Variants in DPP10 observed in about 807,000 individuals in gnomAD.
DPP10 encodes the protein inactive dipeptidyl peptidase 10.
Under a neutral mutation model 120.9 loss-of-function variants are expected in DPP10, and 33 were observed. That is an observed-to-expected ratio of 0.27 (90% CI 0.21 to 0.37). DPP10 has a LOEUF of 0.37. Among genes scored for constraint, DPP10 ranks in the 10% least tolerant of loss-of-function variants. The probability of loss-of-function intolerance (pLI) is 1.00; values close to 1 mark genes in which losing one functional copy is unlikely to be tolerated. For missense variants in DPP10, 816 were observed against 942.8 expected, an observed-to-expected ratio of 0.87 and a Z score of 1.76; for synonymous variants, 337 against 326.1, an observed-to-expected ratio of 1.03 and a Z score of -0.36.
At position 114,538,051 on chromosome 2, in the gene DPP10, T is replaced by C. The variant is rs191757247; in HGVS notation, c.60+95213T>C. On this transcript the variant is annotated intron_variant, in intron 1 of 25. Transcript: ENST00000410059. ...TGACTATCTTAGCCAGGAGAATTGG[T>C]GTTTTTATTTTCCCTGGCTAGCTGT... is the stretch of plus-strand genomic sequence containing the variant. Among the ~76,000 whole-genome samples, 499 of 152,340 alleles carry C rather than the reference T, an allele frequency of 3.3e-3. 4 individuals carry two copies. The highest frequency in any genetic ancestry group is 0.012 in the African/African-American group (480 of 41,580).
intron 3 of DPP10, among the ~76,000 whole-genome samples, chr2:115,464,819 A>G (rs775195462): frequency 3.9e-5 from 6 of 152,214 alleles, no homozygotes; most frequent in South Asian, 4.2e-4. Flanking sequence ...TAGAGGAGGG[A>G]GAGAGAACCC....
At chr2:114,865,353 A>G (rs1197838085) in intron 1 of DPP10, among the ~76,000 whole-genome samples, 2 of 152,224 alleles carry the variant, frequency 1.3e-5, no homozygotes, top group Admixed American at 6.5e-5. Context: ...CAAGTTTTCA[A>G]TTCTTTAACT....
chr2:115,428,623 C>T (rs2070694889), intron 3 of DPP10, among the ~76,000 whole-genome samples: 1 of 152,122 alleles, frequency 6.6e-6, no homozygotes, highest in African/African-American at 2.4e-5. Flanking sequence ...CATGAGGAAA[C>T]CATTCAGATG....
intron 1 of DPP10, among the ~76,000 whole-genome samples, chr2:114,672,234 G>A (rs1202760972): frequency 6.6e-6 from 1 of 151,548 alleles, no homozygotes; most frequent in Admixed American, 6.6e-5. Flanking sequence ...GTTTAATACA[G>A]TCTAAGATTT....
intron 5 of DPP10, among the ~76,000 whole-genome samples, chr2:115,685,094 C>G (rs2090910492): frequency 6.6e-6 from 1 of 151,832 alleles, no homozygotes; most frequent in Non-Finnish European, 1.5e-5. Flanking sequence ...TAAAATTGAA[C>G]TTGGCAGAGC....
chr2:114,847,877 C>G (rs577028673), intron 1 of DPP10, among the ~76,000 whole-genome samples: 2 of 152,050 alleles, frequency 1.3e-5, no homozygotes, highest in Non-Finnish European at 2.9e-5. Flanking sequence ...GGCAAACAGA[C>G]CTTGCGTGTA....
At chr2:115,460,645 C>T (rs566921257) in intron 3 of DPP10, among the ~76,000 whole-genome samples, 1 of 152,092 alleles carries the variant, frequency 6.6e-6, no homozygotes, top group Non-Finnish European at 1.5e-5. Flanking sequence ...ATGATATTGT[C>T]CCTACTGTTG....
chr2:115,397,088 A>T (rs1407381758), intron 3 of DPP10, among the ~76,000 whole-genome samples: 1 of 152,228 alleles, frequency 6.6e-6, no homozygotes, highest in Non-Finnish European at 1.5e-5. Context: ...TTTAAGATGA[A>T]GTCACTTTTG....
chr2:115,764,008 C>T (rs1680416632), intron 12 of DPP10, among the ~76,000 whole-genome samples: 1 of 152,120 alleles, frequency 6.6e-6, no homozygotes, highest in South Asian at 2.1e-4. Context: ...CAAACCTTGG[C>T]TTAAATCACC....
intron 1 of DPP10, among the ~76,000 whole-genome samples, chr2:115,211,619 C>T (rs921146588): frequency 6.6e-6 from 1 of 151,906 alleles, no homozygotes; most frequent in Non-Finnish European, 1.5e-5. Flanking sequence ...TCTGGGAGGA[C>T]ACTTACCCAA....
intron 3 of DPP10, among the ~76,000 whole-genome samples, chr2:115,480,120 A>AT (rs1314647484): frequency 6.6e-6 from 1 of 151,886 alleles, no homozygotes; most frequent in Non-Finnish European, 1.5e-5. Context: ...AGCTATTAAA[A>AT]TTTTCACTTC....
chr2:114,496,621 C>T (rs1364526801), intron 1 of DPP10, among the ~76,000 whole-genome samples: 6 of 152,060 alleles, frequency 3.9e-5, no homozygotes, highest in Admixed American at 3.9e-4. Flanking sequence ...CTCCCAAAGG[C>T]CCCACCTCCT....
At chr2:114,455,544 C>CAAA (rs58126075) in intron 1 of DPP10, among the ~76,000 whole-genome samples, 7,632 of 120,358 alleles carry the variant, frequency 0.063, 312 homozygotes, top group African/African-American at 0.13. Flanking sequence ...GACTCTGTCT[C>CAAA]AAAAAAAAAA....
intron 1 of DPP10, among the ~76,000 whole-genome samples, chr2:114,708,054 T>G (rs1244940534): frequency 6.6e-6 from 1 of 152,206 alleles, no homozygotes; most frequent in Non-Finnish European, 1.5e-5. Flanking sequence ...ATACCTCTAC[T>G]ACTTGCATTC....
intron 1 of DPP10, among the ~76,000 whole-genome samples, chr2:115,217,002 TA>T (rs2056872802): frequency 6.6e-6 from 1 of 152,030 alleles, no homozygotes; most frequent in South Asian, 2.1e-4. Flanking sequence ...ACACGTCAAA[TA>T]GATATGTGTT....
At chr2:114,859,382 A>G (rs1259348795) in intron 1 of DPP10, among the ~76,000 whole-genome samples, 1 of 144,866 alleles carries the variant, frequency 6.9e-6, no homozygotes, top group African/African-American at 2.5e-5. Context: ...AAAAAAAAAA[A>G]GAGAAAGAAA....
rs182212759 is a variant in DPP10 at position 115,492,212 on chromosome 2, C to T, written c.272-7298C>T. On this transcript the variant is annotated intron_variant, in intron 3 of 25. Transcript: ENST00000410059. ...AGCTGTGAATGACTGAATGGTGGCT[C>T]ACCAAAAATTCCACCAAAATAACCT... Among the ~76,000 whole-genome samples the T allele has an allele frequency of 2.6e-5, 4 of 152,210 alleles. No individual in the cohort carries two copies. The East Asian group carries it at 7.7e-4, about 29-fold the overall frequency.
At chr2:114,513,393 C>T (rs62173077) in intron 1 of DPP10, among the ~76,000 whole-genome samples, 1 of 151,570 alleles carries the variant, frequency 6.6e-6, no homozygotes, top group African/African-American at 2.4e-5. Flanking sequence ...TGGTGGTGGG[C>T]ACCTGTAATC....
chr2:114,482,838 A>T (rs1362631042), intron 1 of DPP10, among the ~76,000 whole-genome samples: 1 of 152,172 alleles, frequency 6.6e-6, no homozygotes, highest in Non-Finnish European at 1.5e-5. Flanking sequence ...GTCCTGGAAA[A>T]ATAAACCTCT....
Sources: allele counts gnomAD v4.1 joint callset (sites outside exome capture counted in the v4.1 genomes callset), GRCh38; gene constraint gnomAD v4.1.1; transcripts MANE v1.5; gene names NCBI Gene and HGNC (gene_info 2026-07-23, HGNC 2026-07-21).